HPSE2: variants seen among roughly 807,000 people sequenced by gnomAD.
The protein encoded by HPSE2 is heparanase 2 (inactive).
In HPSE2, 38 loss-of-function variants were observed where a neutral mutation model predicts 60.5. The observed-to-expected ratio is 0.63, with a 90% CI of 0.48 to 0.82. The LOEUF (loss-of-function observed/expected upper bound fraction) is 0.82, where lower values mean the gene tolerates loss of function less well. Ranked by LOEUF, HPSE2 falls within the 40% of genes least tolerant of loss-of-function variation. The pLI is 0.00. For missense variants in HPSE2, 713 were observed against 740.4 expected (o/e 0.96, Z 0.43); for synonymous variants, 295 against 293.2 (o/e 1.01, Z -0.06).
rs542693825 is a variant in HPSE2 at position 99,068,128 on chromosome 10, C to T, written c.610+76110G>A. Among the ~76,000 whole-genome samples, 3 of 152,136 alleles carry T rather than the reference C, an allele frequency of 2.0e-5. No individual in the cohort carries two copies. In the East Asian group the frequency reaches 5.8e-4, roughly 29 times the overall value. ...TGCCCATATCACTATCAGCATTTTG[C>T]TCAAAGCCATTCAACAAGTTTCTAG... is the stretch of plus-strand genomic sequence containing the variant. On this transcript the variant is annotated intron_variant, in intron 3 of 11. Coordinates refer to ENST00000370552, the MANE Select transcript of HPSE2 (RefSeq NM_021828.5).
chr10:99,314,422 C>G, the HPSE2 span, among the ~76,000 whole-genome samples: 1 of 152,202 alleles, frequency 6.6e-6, no homozygotes, highest in Non-Finnish European at 1.5e-5. Flanking sequence ...CTCAGCCTCC[C>G]AAAGTGCTGG....
At chr10:98,879,102 G>A (rs1032972223) in intron 3 of HPSE2, among the ~76,000 whole-genome samples, 1 of 152,030 alleles carries the variant, frequency 6.6e-6, no homozygotes, top group South Asian at 2.1e-4. Flanking sequence ...TGACATGCCT[G>A]TGAAATATCC....
chr10:98,645,749 C>A (rs938759122), intron 6 of HPSE2, among the ~76,000 whole-genome samples: 1 of 151,960 alleles, frequency 6.6e-6, no homozygotes, highest in Non-Finnish European at 1.5e-5. Context: ...GAGGCTGAGG[C>A]GGGCGGATCA....
At chr10:98,710,003 G>A (rs1028727276) in intron 5 of HPSE2, among the ~76,000 whole-genome samples, 1 of 152,080 alleles carries the variant, frequency 6.6e-6, no homozygotes, top group Non-Finnish European at 1.5e-5. Flanking sequence ...GAGAATCTTT[G>A]GTTATGCTAA....
intron 8 of HPSE2, among the ~76,000 whole-genome samples, chr10:98,616,034 C>A (rs1168876243): frequency 6.6e-6 from 1 of 152,150 alleles, no homozygotes; most frequent in Non-Finnish European, 1.5e-5. Flanking sequence ...CTCACACTTA[C>A]CCAAGTCCTT....
intron 3 of HPSE2, among the ~76,000 whole-genome samples, chr10:98,767,804 T>C (rs1030430019): frequency 8.9e-5 from 13 of 145,410 alleles, no homozygotes; most frequent in South Asian, 8.4e-4. Context: ...AAATTTAATA[T>C]ACTATACACT....
At chr10:98,541,517 T>C (rs1943458753) in intron 9 of HPSE2, among the ~76,000 whole-genome samples, 2 of 152,140 alleles carry the variant, frequency 1.3e-5, no homozygotes, top group Admixed American at 6.5e-5. Flanking sequence ...GGGCGAGGCA[T>C]TGCCTCACTC....
chr10:99,224,660 T>C (rs1849413916), intron 2 of HPSE2, among the ~76,000 whole-genome samples: 1 of 152,056 alleles, frequency 6.6e-6, no homozygotes, highest in African/African-American at 2.4e-5. Flanking sequence ...ACTGCTTTTC[T>C]TCCATGAGGT....
intron 6 of HPSE2, among the ~76,000 whole-genome samples, chr10:98,655,021 G>A (rs1179659360): frequency 6.6e-6 from 1 of 152,184 alleles, no homozygotes; most frequent in Non-Finnish European, 1.5e-5. Flanking sequence ...TGTGCTGCTG[G>A]TGTGGCAGTA....
chr10:98,461,947 A>C, intron 11 of HPSE2: 1 of 744,528 alleles, frequency 1.3e-6, no homozygotes, highest in Non-Finnish European at 2.4e-6. Flanking sequence ...GAGTAGAACC[A>C]GGAAGCATGG....
intron 3 of HPSE2, among the ~76,000 whole-genome samples, chr10:98,813,457 T>C (rs1240313604): frequency 6.6e-6 from 1 of 152,180 alleles, no homozygotes; most frequent in African/African-American, 2.4e-5. Flanking sequence ...ATTGTGAAGT[T>C]GAGGAAGAAT....
the HPSE2 span, among the ~76,000 whole-genome samples, chr10:99,266,427 C>T: frequency 6.6e-6 from 1 of 152,046 alleles, no homozygotes; most frequent in East Asian, 1.9e-4. Context: ...GCCATAATCC[C>T]CCTGAGAATA....
At chr10:98,780,597 G>A (rs1271811110) in intron 3 of HPSE2, among the ~76,000 whole-genome samples, 2 of 152,064 alleles carry the variant, frequency 1.3e-5, no homozygotes, top group African/African-American at 4.8e-5. Context: ...AGTGGAGATT[G>A]AGAAAGAAAG....
Position 99,028,238 on chromosome 10 carries a change from TG to T in HPSE2, c.610+115999del, listed in dbSNP as rs1296028949. ...TTTGCAGAGGACATGATCTTATATT[TG>T]GAAAAAACTAAAGACTCCACTAAAA... On this transcript the variant is annotated intron_variant, in intron 3 of 11. Coordinates refer to ENST00000370552, the MANE Select transcript of HPSE2 (RefSeq NM_021828.5). Among the ~76,000 whole-genome samples the T allele has an allele frequency of 4.6e-5, 7 of 152,250 alleles. No homozygotes were observed. The East Asian group carries it at 1.4e-3, about 29-fold the overall frequency.
chr10:99,140,856 G>A (rs1326186020), intron 3 of HPSE2, among the ~76,000 whole-genome samples: 2 of 152,158 alleles, frequency 1.3e-5, no homozygotes, highest in Admixed American at 6.5e-5. Flanking sequence ...GGCCAATATG[G>A]TGAAACCCCA....
At chr10:99,301,825 G>C in the HPSE2 span, among the ~76,000 whole-genome samples, 1 of 151,664 alleles carries the variant, frequency 6.6e-6, no homozygotes, top group Non-Finnish European at 1.5e-5. Flanking sequence ...GCAACAAAAG[G>C]ACACCAATGG....
intron 3 of HPSE2, among the ~76,000 whole-genome samples, chr10:99,055,210 C>T (rs1419203505): frequency 2.0e-5 from 3 of 152,058 alleles, no homozygotes; most frequent in Non-Finnish European, 2.9e-5. Flanking sequence ...CAAAGACATT[C>T]GAGCAGCTAT....
chr10:99,021,349 T>C (rs1168475221), intron 3 of HPSE2, among the ~76,000 whole-genome samples: 1 of 152,118 alleles, frequency 6.6e-6, no homozygotes, highest in East Asian at 1.9e-4. Context: ...TCTTATTTCA[T>C]AGATGAGAAA....
chr10:98,568,458 G>A (rs1944406715), intron 9 of HPSE2, among the ~76,000 whole-genome samples: 1 of 152,172 alleles, frequency 6.6e-6, no homozygotes, highest in African/African-American at 2.4e-5. Flanking sequence ...AATGAATACT[G>A]CTCTAGGAGG....
Sources: allele counts gnomAD v4.1 joint callset (sites outside exome capture counted in the v4.1 genomes callset), GRCh38; gene constraint gnomAD v4.1.1; transcripts MANE v1.5; gene names NCBI Gene and HGNC (gene_info 2026-07-23, HGNC 2026-07-21).